Variants in MSI2 observed in about 807,000 individuals in gnomAD.
MSI2 encodes the protein musashi RNA binding protein 2, also known as RNA-binding protein Musashi homolog 2.
A neutral mutation model predicts 45.6 loss-of-function variants in MSI2; 17 were observed. The ratio of observed to expected loss-of-function variants is 0.37; its 90% CI spans 0.26 to 0.56. The LOEUF (loss-of-function observed/expected upper bound fraction) is 0.56, where lower values mean the gene tolerates loss of function less well. MSI2 is among the 20% of genes least tolerant of loss of function. The pLI, the probability that MSI2 is intolerant of heterozygous loss-of-function variation, is 0.77. For synonymous variants in MSI2, 156 were observed against 158.2 expected, an observed-to-expected ratio of 0.99 and a Z score of 0.11; for missense variants, 293 against 444.2, an observed-to-expected ratio of 0.66 and a Z score of 3.06.
chr17:57,565,210 C>T (rs1181072458), intron 7 of MSI2, among the ~76,000 whole-genome samples: 1 of 152,230 alleles, frequency 6.6e-6, no homozygotes, highest in Non-Finnish European at 1.5e-5. Context: ...GTGCCTGGCA[C>T]TGTGCCTAGA....
intron 11 of MSI2, among the ~76,000 whole-genome samples, chr17:57,654,671 C>T (rs1217410148): frequency 6.6e-6 from 1 of 152,186 alleles, no homozygotes; most frequent in Non-Finnish European, 1.5e-5. Flanking sequence ...GCAGCCTCAA[C>T]TACTGCAGGT....
chr17:57,372,366 A>G (rs2083433671), intron 5 of MSI2, among the ~76,000 whole-genome samples: 1 of 152,258 alleles, frequency 6.6e-6, no homozygotes, highest in Non-Finnish European at 1.5e-5. Context: ...TAACTGTTCC[A>G]AGAAACCGCC....
At chr17:57,318,080 C>T (rs541535562) in intron 5 of MSI2, among the ~76,000 whole-genome samples, 6 of 152,240 alleles carry the variant, frequency 3.9e-5, no homozygotes, top group East Asian at 3.9e-4. Context: ...ACCCAGGAGG[C>T]GGAGGTTACA....
intron 6 of MSI2, among the ~76,000 whole-genome samples, chr17:57,414,601 G>A (rs1027059316): frequency 1.3e-5 from 2 of 152,082 alleles, no homozygotes; most frequent in Admixed American, 1.3e-4. Flanking sequence ...ATGTTGGCCA[G>A]GCTGGTCTCA....
chr17:57,269,204 G>T (rs1908120781), intron 5 of MSI2, among the ~76,000 whole-genome samples: 1 of 152,156 alleles, frequency 6.6e-6, no homozygotes, highest in South Asian at 2.1e-4. Context: ...TGTTGCAAAG[G>T]GTATGTGCTG....
At chr17:57,647,342 G>C (rs1288040386) in intron 10 of MSI2, among the ~76,000 whole-genome samples, 4 of 150,388 alleles carry the variant, frequency 2.7e-5, no homozygotes, top group Admixed American at 1.3e-4. Context: ...CCAGCTACTT[G>C]GAAGGCTGTG....
chr17:57,322,157 T>TC lies in MSI2; in HGVS notation c.312+59969dup, dbSNP rs553681544. Among the ~76,000 whole-genome samples the TC allele has an allele frequency of 4.1e-4, 63 of 152,270 alleles. 1 individual carries two copies. The South Asian group carries it at 0.013, about 31-fold the overall frequency. ...GCAGGGTGTGTCATGTTTATAGCTG[T>TC]CCCCACAGTACTGAGACCAGAGCTC... is the stretch of plus-strand genomic sequence containing the variant. On this transcript the variant is annotated intron_variant, in intron 5 of 13. Coordinates refer to ENST00000284073, the MANE Select transcript of MSI2 (RefSeq NM_138962.4).
chr17:57,605,527 G>A (rs1461439557), intron 8 of MSI2, among the ~76,000 whole-genome samples: 1 of 152,164 alleles, frequency 6.6e-6, no homozygotes, highest in Non-Finnish European at 1.5e-5. Context: ...CACCCCCAGG[G>A]CGCAGGGTCA....
At chr17:57,569,856 T>C (rs2087829327) in intron 7 of MSI2, among the ~76,000 whole-genome samples, 2 of 152,108 alleles carry the variant, frequency 1.3e-5, no homozygotes, top group South Asian at 2.1e-4. Context: ...TTCTCAAGAA[T>C]TTTAGGGTGC....
chr17:57,301,422 G>GT (rs769699728), intron 5 of MSI2, among the ~76,000 whole-genome samples: 11 of 150,590 alleles, frequency 7.3e-5, no homozygotes, highest in Non-Finnish European at 1.2e-4. Flanking sequence ...ACAAAAACAT[G>GT]TGAGATCTCC....
chr17:57,499,787 T>C (rs546318288), intron 6 of MSI2, among the ~76,000 whole-genome samples: 61 of 152,348 alleles, frequency 4.0e-4, no homozygotes, highest in African/African-American at 1.4e-3. Context: ...ACGAAGCATC[T>C]GTCCAAGGGA....
At chr17:57,534,209 C>G (rs2086877388) in intron 7 of MSI2, among the ~76,000 whole-genome samples, 1 of 152,242 alleles carries the variant, frequency 6.6e-6, no homozygotes, top group Non-Finnish European at 1.5e-5. Context: ...CTCTTACACT[C>G]TGCAAGCATT....
chr17:57,389,914 C>A (rs2083756240), intron 5 of MSI2, among the ~76,000 whole-genome samples: 1 of 152,024 alleles, frequency 6.6e-6, no homozygotes, highest in South Asian at 2.1e-4. Context: ...TGGCTCTTCA[C>A]CCCTCATGCT....
chr17:57,633,539 G>A (rs1020989146), intron 10 of MSI2, among the ~76,000 whole-genome samples: 8 of 152,190 alleles, frequency 5.3e-5, no homozygotes, highest in African/African-American at 9.7e-5. Flanking sequence ...TCGCGCCCAC[G>A]GGCCTGTGTG....
At chr17:57,662,676 T>C (rs964185225) in intron 11 of MSI2, among the ~76,000 whole-genome samples, 4 of 152,078 alleles carry the variant, frequency 2.6e-5, no homozygotes, top group African/African-American at 9.7e-5. Context: ...AAACAGACAC[T>C]CAAGAAAAAA....
rs897244082 is a variant in MSI2, at chr17:57,436,934, C to A, written c.405+35463C>A. Among the ~76,000 whole-genome samples, 5 of 152,140 alleles carry A rather than the reference C, an allele frequency of 3.3e-5. No homozygotes were observed. In the East Asian group the frequency reaches 9.6e-4, roughly 29 times the overall value. ...GGTTGACTCCAGCAACTCACCTCTC[C>A]CAGCTGAGAAGTACTTGACATTGGA... On this transcript the variant is annotated intron_variant, in intron 6 of 13. Transcript: ENST00000284073.
At chr17:57,443,698 CAG>C (rs2084843973) in intron 6 of MSI2, among the ~76,000 whole-genome samples, 1 of 152,132 alleles carries the variant, frequency 6.6e-6, no homozygotes, top group Non-Finnish European at 1.5e-5. Context: ...ACAGGCTTGT[CAG>C]GGGGTCAGCC....
rs181429079 is a variant in MSI2 at position 57,637,300 on chromosome 17, G to A, written c.727+9997G>A. The stretch of plus-strand genomic sequence containing the variant: ...GGCACACCCCAAACCCAGACCGACC[G>A]CGGCACGAGGCTCGTCGGGGCTGTG... On this transcript the variant is annotated intron_variant, in intron 10 of 13. Transcript: ENST00000284073. Among the ~76,000 whole-genome samples, 180 of 152,340 alleles carry A rather than the reference G, an allele frequency of 1.2e-3. 1 individual carries two copies. Among genetic ancestry groups the A allele is most frequent in the Non-Finnish European group, 2.3e-3 (156 of 68,034 alleles).
intron 9 of MSI2, among the ~76,000 whole-genome samples, chr17:57,619,272 G>A (rs538561051): frequency 6.6e-6 from 1 of 152,340 alleles, no homozygotes; most frequent in Admixed American, 6.5e-5. Flanking sequence ...AGGGGCAAGA[G>A]CACCTGCTGC....
Sources: gnomAD v4.1 joint callset for allele counts (sites outside exome capture counted in the v4.1 genomes callset) on GRCh38, gnomAD v4.1.1 for gene constraint, MANE v1.5 for transcripts, NCBI Gene and HGNC (gene_info 2026-07-23, HGNC 2026-07-21) for gene names.